CEP63: variants seen among roughly 807,000 people sequenced by gnomAD.
The protein encoded by CEP63 is centrosomal protein of 63 kDa.
Under a neutral mutation model 89.1 loss-of-function variants are expected in CEP63, and 84 were observed. The observed-to-expected ratio is 0.94, with a 90% confidence interval of 0.79 to 1.13. The LOEUF (loss-of-function observed/expected upper bound fraction) is 1.13. Among genes scored for constraint, CEP63 ranks in the 50% most tolerant of loss-of-function variants. CEP63 has a pLI of 0.00. For missense variants in CEP63, 838 were observed against 813.3 expected (o/e 1.03, Z -0.37); for synonymous variants, 267 against 272.5 (o/e 0.98, Z 0.20).
At chr3:134,728,886 T>C in the CEP63 span, among the ~76,000 whole-genome samples, 1 of 152,170 alleles carries the variant, frequency 6.6e-6, no homozygotes, top group African/African-American at 2.4e-5. Flanking sequence ...CGTCAAAAGA[T>C]TTAATTTTAT....
intron 6 of CEP63, among the ~76,000 whole-genome samples, chr3:134,540,901 CCT>C (rs1277334332): frequency 2.6e-5 from 4 of 151,924 alleles, no homozygotes; most frequent in African/African-American, 9.7e-5. Context: ...CCTGCCTCAG[CCT>C]CCTGAGTAGC....
chr3:134,614,144 C>T, the CEP63 span, among the ~76,000 whole-genome samples: 1 of 152,126 alleles, frequency 6.6e-6, no homozygotes, highest in Non-Finnish European at 1.5e-5. Context: ...TAAGCAAAGA[C>T]CTGGAGAGCC....
chr3:134,548,916 CT>C, intron 9 of CEP63, 145 bp from the exon 10 acceptor site: 4 of 635,200 alleles, frequency 6.3e-6, no homozygotes, highest in Non-Finnish European at 1.1e-5. Context: ...TATTGATTGG[CT>C]TTTTAGTAAT....
chr3:134,690,613 G>A, the CEP63 span, among the ~76,000 whole-genome samples: 1 of 152,008 alleles, frequency 6.6e-6, no homozygotes, highest in Admixed American at 6.6e-5. Context: ...TTTAGTCTGG[G>A]ACAATAGATC....
chr3:134,591,621 C>T (rs920856026), downstream of CEP63, among the ~76,000 whole-genome samples: 1 of 151,914 alleles, frequency 6.6e-6, no homozygotes, highest in Non-Finnish European at 1.5e-5. Context: ...TTTGGGAGGC[C>T]GAGGTGGGTG....
At chr3:134,658,278 G>A in the CEP63 span, among the ~76,000 whole-genome samples, 3 of 152,166 alleles carry the variant, frequency 2.0e-5, no homozygotes, top group African/African-American at 7.2e-5. Context: ...CCTTGTGTGT[G>A]TGTATTGTGT....
At chr3:134,661,245 C>T in the CEP63 span, among the ~76,000 whole-genome samples, 2 of 152,238 alleles carry the variant, frequency 1.3e-5, no homozygotes, top group Non-Finnish European at 2.9e-5. Flanking sequence ...CCATCCACTC[C>T]ATCTATCCGA....
the CEP63 span, among the ~76,000 whole-genome samples, chr3:134,682,947 G>T: frequency 6.6e-6 from 1 of 152,202 alleles, no homozygotes; most frequent in Non-Finnish European, 1.5e-5. Context: ...AGGGCGTTTA[G>T]TAGGGACCCT....
chr3:134,756,111 T>C, the CEP63 span, among the ~76,000 whole-genome samples: 1 of 152,240 alleles, frequency 6.6e-6, no homozygotes, highest in Non-Finnish European at 1.5e-5. Context: ...CAGGGCACTC[T>C]CCATGTGGCA....
the CEP63 span, among the ~76,000 whole-genome samples, chr3:134,596,898 G>A: frequency 6.6e-6 from 1 of 152,186 alleles, no homozygotes; most frequent in African/African-American, 2.4e-5. Context: ...GGAGGACTAG[G>A]AAGGTCTGAC....
At chr3:134,667,583 ACATTAATTTCCCTG>A in the CEP63 span, among the ~76,000 whole-genome samples, 1 of 152,220 alleles carries the variant, frequency 6.6e-6, no homozygotes, top group Admixed American at 6.5e-5. Flanking sequence ...CCGGGGGAAG[ACATTAATTTCCCTG>A]CACTTCTAGG....
the CEP63 span, among the ~76,000 whole-genome samples, chr3:134,768,777 G>T: frequency 6.6e-6 from 1 of 152,216 alleles, no homozygotes; most frequent in African/African-American, 2.4e-5. Context: ...GAGGGCCTTT[G>T]AAGATGCAAT....
chr3:134,688,141 C>T, the CEP63 span, among the ~76,000 whole-genome samples: 8 of 152,242 alleles, frequency 5.3e-5, no homozygotes, highest in African/African-American at 1.9e-4. Context: ...TATTCATGAT[C>T]GCCACAAGGT....
chr3:134,698,560 G>C, the CEP63 span, among the ~76,000 whole-genome samples: 1 of 152,198 alleles, frequency 6.6e-6, no homozygotes, highest in Non-Finnish European at 1.5e-5. Context: ...CTGGAAGTTT[G>C]CAGCTGCTGC....
intron 11 of CEP63, among the ~76,000 whole-genome samples, chr3:134,571,671 ACT>A (rs1412219247): frequency 1.8e-4 from 27 of 152,148 alleles, no homozygotes; most frequent in Non-Finnish European, 3.8e-4. Flanking sequence ...ACAGAGCGAG[ACT>A]CTGTCTCAAC....
the CEP63 span, among the ~76,000 whole-genome samples, chr3:134,777,548 G>A: frequency 6.6e-6 from 1 of 151,292 alleles, no homozygotes; most frequent in Admixed American, 6.6e-5. Context: ...ACATGGAAAT[G>A]GTGAGTATTG....
the CEP63 span, among the ~76,000 whole-genome samples, chr3:134,696,053 T>C: frequency 3.3e-5 from 5 of 152,216 alleles, no homozygotes; most frequent in Admixed American, 3.3e-4. Flanking sequence ...TTCCACCTTG[T>C]CTGCCTAATA....
At chr3:134,680,402 A>G in the CEP63 span, among the ~76,000 whole-genome samples, 9 of 152,216 alleles carry the variant, frequency 5.9e-5, no homozygotes, top group African/African-American at 1.9e-4. Flanking sequence ...CTCTTGATTG[A>G]AACAGCCATT....
intron 3 of CEP63, among the ~76,000 whole-genome samples, chr3:134,520,830 AAAAG>A (rs1463516943): frequency 3.3e-5 from 5 of 152,164 alleles, no homozygotes; most frequent in African/African-American, 7.2e-5. Context: ...ATATGGGGGA[AAAAG>A]AAAGATTTTG....
Sources: allele counts gnomAD v4.1 joint callset (sites outside exome capture counted in the v4.1 genomes callset), GRCh38; gene constraint gnomAD v4.1.1; transcripts MANE v1.5; gene names NCBI Gene and HGNC (gene_info 2026-07-23, HGNC 2026-07-21).